SLC8A1: variants seen among roughly 807,000 people sequenced by gnomAD.
SLC8A1 encodes the protein solute carrier family 8 member A1.
Under a neutral mutation model 68.3 loss-of-function variants are expected in SLC8A1, and 18 were observed. The observed-to-expected ratio is 0.26, with a 90% CI of 0.18 to 0.39. SLC8A1 has a LOEUF of 0.39. Ranked by LOEUF, SLC8A1 falls within the 10% of genes least tolerant of loss-of-function variation. SLC8A1 has a pLI of 1.00. For missense variants in SLC8A1, 985 were observed against 1,156.7 expected (o/e 0.85, Z 2.15); for synonymous variants, 475 against 415.5 (o/e 1.14, Z -1.74).
intron 2 of SLC8A1, among the ~76,000 whole-genome samples, chr2:40,406,729 A>T (rs947402743): frequency 6.6e-5 from 10 of 152,162 alleles, no homozygotes; most frequent in African/African-American, 2.2e-4. Flanking sequence ...ATGGTCCTGC[A>T]TTTCGATCTA....
At chr2:40,136,210 T>C (rs556713978) in intron 7 of SLC8A1, among the ~76,000 whole-genome samples, 197 of 152,282 alleles carry the variant, frequency 1.3e-3, no homozygotes, top group South Asian at 6.2e-4. Context: ...GAGGAGGCCC[T>C]TTCTCTATTC....
chr2:40,362,978 G>A (rs1675043170), intron 2 of SLC8A1, among the ~76,000 whole-genome samples: 2 of 151,986 alleles, frequency 1.3e-5, no homozygotes, highest in African/African-American at 4.8e-5. Context: ...TGTCCTTTCT[G>A]TTCCTCCTCA....
chr2:40,449,483 G>C (rs1702050635), intron 1 of SLC8A1, among the ~76,000 whole-genome samples: 1 of 152,132 alleles, frequency 6.6e-6, no homozygotes. Context: ...AACACAGAAA[G>C]CTTAACAGAG....
chr2:40,175,686 C>T (rs1014944793), intron 3 of SLC8A1, among the ~76,000 whole-genome samples: 2 of 151,964 alleles, frequency 1.3e-5, no homozygotes. Context: ...TTAAATATTG[C>T]CTCGGATTTG....
At chr2:40,456,068 G>A (rs1218690712), upstream of SLC8A1, among the ~76,000 whole-genome samples, 3 of 152,322 alleles carry the variant, frequency 2.0e-5, no homozygotes, top group Admixed American at 2.0e-4. Context: ...TGTAATCCCA[G>A]CACTTTGGGA....
intron 1 of SLC8A1, among the ~76,000 whole-genome samples, chr2:40,440,606 A>G (rs1700287778): frequency 6.6e-6 from 1 of 152,158 alleles, no homozygotes; most frequent in Non-Finnish European, 1.5e-5. Context: ...AAGACAGATG[A>G]CAGATGTTCA....
chr2:40,384,248 C>A (rs1369323838), intron 2 of SLC8A1, among the ~76,000 whole-genome samples: 1 of 151,948 alleles, frequency 6.6e-6, no homozygotes, highest in Non-Finnish European at 1.5e-5. Flanking sequence ...CCGAGCAAGA[C>A]CCTGTCTCTA....
intron 2 of SLC8A1, among the ~76,000 whole-genome samples, chr2:40,271,146 T>C (rs556544187): frequency 2.3e-4 from 33 of 145,554 alleles, no homozygotes; most frequent in African/African-American, 8.8e-4. Flanking sequence ...AATGGCTTTC[T>C]GTCACTTAGA....
chr2:40,371,647 T>G (rs1403645461), intron 2 of SLC8A1, among the ~76,000 whole-genome samples: 1 of 152,130 alleles, frequency 6.6e-6, no homozygotes, highest in African/African-American at 2.4e-5. Context: ...TTATGAGATT[T>G]TATCTGATTT....
intron 4 of SLC8A1, among the ~76,000 whole-genome samples, chr2:40,173,171 T>TA (rs2047839123): frequency 6.6e-6 from 1 of 152,154 alleles, no homozygotes; most frequent in Non-Finnish European, 1.5e-5. Flanking sequence ...TTGCCAAATT[T>TA]ATACCTTCTT....
At chr2:40,264,405 G>A (rs1177914924) in intron 2 of SLC8A1, among the ~76,000 whole-genome samples, 2 of 152,216 alleles carry the variant, frequency 1.3e-5, no homozygotes, top group African/African-American at 4.8e-5. Context: ...GCACACGTAT[G>A]TTTATTGCGG....
rs2048242516 is a variant in SLC8A1 at position 40,175,139 on chromosome 2, C to G, written c.1913-297G>C. 2.2e-5 allele frequency: 23 copies of G among 1,043,354 alleles called. No individual in the cohort carries two copies. The South Asian group carries it at 3.0e-4, about 14-fold the overall frequency. 64.6% of individuals were successfully genotyped at this position (1,043,354 alleles called of 1,614,324 possible). On this transcript the variant is annotated intron_variant, in intron 3 of 7. Coordinates refer to ENST00000406785, the Ensembl canonical transcript of SLC8A1. Reference sequence around the variant, plus strand: ...CCTTGACAAAATGAGGTCAATGGCCCTAAACAACAATCTTGCTAGCAAGTC... The same window carrying G: ...CCTTGACAAAATGAGGTCAATGGCCGTAAACAACAATCTTGCTAGCAAGTC...
At chr2:40,463,887 C>CACACACACACACACACACACACAT (rs796954298) in intron 1 of SLC8A1, among the ~76,000 whole-genome samples, 10 of 108,594 alleles carry the variant, frequency 9.2e-5, no homozygotes, top group South Asian at 6.3e-4. Flanking sequence ...CACACACACA[C>CACACACACACACACACACACACAT]ATATATATAT....
chr2:40,151,297 A>G (rs185204713), intron 6 of SLC8A1, among the ~76,000 whole-genome samples: 4 of 152,202 alleles, frequency 2.6e-5, no homozygotes. Flanking sequence ...ATGTATTTAT[A>G]TAGATTGTTT....
intron 1 of SLC8A1, among the ~76,000 whole-genome samples, chr2:40,500,169 G>C (rs1403788968): frequency 6.6e-6 from 1 of 151,908 alleles, no homozygotes; most frequent in Non-Finnish European, 1.5e-5. Flanking sequence ...AAAACCCCCA[G>C]GATTTGGAGT....
intron 2 of SLC8A1, among the ~76,000 whole-genome samples, chr2:40,401,645 GAAAAA>G (rs68092033): frequency 0.66 from 94,076 of 143,226 alleles, 30,621 homozygotes; most frequent in African/African-American, 0.75. Context: ...CACATTAAGT[GAAAAA>G]AAAAAAAAAG....
intron 4 of SLC8A1, 49 bp from the exon 6 acceptor site, chr2:40,174,769 A>G: frequency 6.3e-7 from 1 of 1,588,034 alleles, no homozygotes; most frequent in South Asian, 1.1e-5. Context: ...ATGTAATAAC[A>G]TCTGGTGAGA....
At chr2:40,326,609 C>A in intron 2 of SLC8A1, among the ~76,000 whole-genome samples, 1 of 152,114 alleles carries the variant, frequency 6.6e-6, no homozygotes, top group Non-Finnish European at 1.5e-5. Flanking sequence ...AACTTTCGAA[C>A]TGCCAAGAGT....
At chr2:40,451,656 C>T (rs1435533500) in intron 1 of SLC8A1, among the ~76,000 whole-genome samples, 1 of 151,998 alleles carries the variant, frequency 6.6e-6, no homozygotes, top group African/African-American at 2.4e-5. Context: ...GGCACCCTCA[C>T]GCCCAGACGC....
Sources: allele counts gnomAD v4.1 joint callset (sites outside exome capture counted in the v4.1 genomes callset), GRCh38; gene constraint gnomAD v4.1.1; transcripts MANE v1.5; gene names NCBI Gene and HGNC (gene_info 2026-07-23, HGNC 2026-07-21).